CSGALNACT1: variants seen among roughly 807,000 people sequenced by gnomAD.
The protein encoded by CSGALNACT1 is beta4GalNAcT-1.
In CSGALNACT1, 52 loss-of-function variants were observed where a neutral mutation model predicts 51.0. That is an observed-to-expected ratio of 1.02 (90% CI 0.82 to 1.29). The LOEUF (loss-of-function observed/expected upper bound fraction) is 1.29, where lower values mean the gene tolerates loss of function less well. Among genes scored for constraint, CSGALNACT1 ranks in the 50% most tolerant of loss-of-function variants. The pLI is 0.00. For missense variants in CSGALNACT1, 935 were observed against 679.2 expected (o/e 1.38, Z -4.19); for synonymous variants, 341 against 254.4 (o/e 1.34, Z -3.24).
At chr8:19,670,018 T>G (rs1352291623) in intron 1 of CSGALNACT1, among the ~76,000 whole-genome samples, 3 of 152,166 alleles carry the variant, frequency 2.0e-5, no homozygotes, top group Non-Finnish European at 2.9e-5. Flanking sequence ...ATTCTTCAAT[T>G]ATCCCAGGTC....
intron 3 of CSGALNACT1, among the ~76,000 whole-genome samples, chr8:19,590,320 G>A (rs1039152624): frequency 7.9e-5 from 12 of 152,206 alleles, no homozygotes; most frequent in African/African-American, 1.9e-4. Context: ...GTGGCAGAAC[G>A]TAGTAATAGT....
chr8:19,469,834 G>A (rs926331715), intron 4 of CSGALNACT1, among the ~76,000 whole-genome samples: 6 of 152,182 alleles, frequency 3.9e-5, no homozygotes, highest in East Asian at 3.9e-4. Flanking sequence ...TTATCTATGC[G>A]TTACTCTTCC....
intron 1 of CSGALNACT1, among the ~76,000 whole-genome samples, chr8:19,726,472 G>T (rs1352238881): frequency 6.6e-6 from 1 of 152,010 alleles, no homozygotes; most frequent in South Asian, 2.1e-4. Flanking sequence ...GACAAAAATT[G>T]TACACATTTA....
At chr8:19,686,928 G>A (rs537740402), upstream of CSGALNACT1, among the ~76,000 whole-genome samples, 3 of 152,286 alleles carry the variant, frequency 2.0e-5, no homozygotes, top group Non-Finnish European at 2.9e-5. Context: ...ACAGTTTAAC[G>A]TAATGGTTCC....
intron 1 of CSGALNACT1, among the ~76,000 whole-genome samples, chr8:19,746,382 T>A (rs2064664916): frequency 6.6e-6 from 1 of 152,160 alleles, no homozygotes; most frequent in Non-Finnish European, 1.5e-5. Context: ...CCTAAAACTA[T>A]CTGCCTATTG....
Position 19,512,482 on chromosome 8 carries a change from G to C in CSGALNACT1, c.-296-6352C>G, listed in dbSNP as rs111837740. 7.1e-4 allele frequency among the ~76,000 whole-genome samples: 108 copies of C among 152,276 alleles called. No individual in the cohort carries two copies. The Middle Eastern group carries it at 0.017, about 24-fold the overall frequency. On this transcript the variant is annotated intron_variant, in intron 3 of 9. Transcript: ENST00000454498. Reference sequence around the variant, plus strand: ...ATAATTTATTACATTCCAACAGATAGATAACTAATTCACAGGGTCACAGAC... The same window carrying C: ...ATAATTTATTACATTCCAACAGATACATAACTAATTCACAGGGTCACAGAC...
intron 4 of CSGALNACT1, among the ~76,000 whole-genome samples, chr8:19,494,117 T>C (rs1399420130): frequency 6.6e-6 from 1 of 152,232 alleles, no homozygotes; most frequent in Non-Finnish European, 1.5e-5. Flanking sequence ...CATAGTAATC[T>C]TGGCCCTGCT....
At chr8:19,581,561 C>A (rs1157244718) in intron 3 of CSGALNACT1, among the ~76,000 whole-genome samples, 1 of 152,080 alleles carries the variant, frequency 6.6e-6, no homozygotes, top group Non-Finnish European at 1.5e-5. Context: ...GAGCCGAGAT[C>A]GTGCCACTGC....
chr8:19,736,573 A>G (rs1454018331), intron 1 of CSGALNACT1, among the ~76,000 whole-genome samples: 1 of 152,154 alleles, frequency 6.6e-6, no homozygotes, highest in Non-Finnish European at 1.5e-5. Context: ...CTTTTCAAAA[A>G]GCCATTAACT....
chr8:19,607,140 G>A (rs955078903), upstream of CSGALNACT1, among the ~76,000 whole-genome samples: 2 of 150,048 alleles, frequency 1.3e-5, no homozygotes, highest in African/African-American at 4.9e-5. Context: ...GGGCGACAGA[G>A]CAAGACTCCG....
At chr8:19,475,935 T>C (rs1004454390) in intron 4 of CSGALNACT1, among the ~76,000 whole-genome samples, 3 of 152,146 alleles carry the variant, frequency 2.0e-5, no homozygotes, top group African/African-American at 4.8e-5. Flanking sequence ...AAAGCCTCCA[T>C]TTCCACAACA....
intron 4 of CSGALNACT1, 120 bp downstream of exon 3, chr8:19,505,081 A>T (rs73585570): frequency 1.8e-6 from 2 of 1,100,650 alleles, no homozygotes; most frequent in Non-Finnish European, 1.4e-6. Flanking sequence ...CACACACATA[A>T]AACTTTCCGC....
Position 19,583,651 on chromosome 8 carries a change from A to G in CSGALNACT1, c.-297+7509T>C, listed in dbSNP as rs1396520622. Among the ~76,000 whole-genome samples the G allele has an allele frequency of 2.0e-5, 3 of 152,172 alleles. No individual in the cohort carries two copies. The East Asian group carries it at 5.8e-4, about 29-fold the overall frequency. ...AGAAGTACATTCAATTTTCATTAACATCATCAACCATTACTCTGATGACAA... is the reference window on the plus strand; with the variant it reads ...AGAAGTACATTCAATTTTCATTAACGTCATCAACCATTACTCTGATGACAA... On this transcript the variant is annotated intron_variant, in intron 3 of 9. Transcript: ENST00000454498.
At chr8:19,561,226 TTC>T (rs2040638150) in intron 3 of CSGALNACT1, among the ~76,000 whole-genome samples, 1 of 152,210 alleles carries the variant, frequency 6.6e-6, no homozygotes, top group African/African-American at 2.4e-5. Context: ...TCTGTCAATC[TTC>T]TGTGTTATAT....
intron 1 of CSGALNACT1, among the ~76,000 whole-genome samples, chr8:19,640,928 G>A (rs1380368056): frequency 6.6e-6 from 1 of 151,486 alleles, no homozygotes; most frequent in Non-Finnish European, 1.5e-5. Context: ...TTCAGTGCCT[G>A]AACAATCATT....
chr8:19,609,456 G>T (rs1470375320), intron 1 of CSGALNACT1, among the ~76,000 whole-genome samples: 2 of 151,136 alleles, frequency 1.3e-5, no homozygotes, highest in African/African-American at 4.9e-5. Flanking sequence ...CCATAGCCAG[G>T]TAAGCAAGAC....
chr8:19,670,603 A>G (rs2059713641), intron 1 of CSGALNACT1, among the ~76,000 whole-genome samples: 2 of 135,094 alleles, frequency 1.5e-5, no homozygotes, highest in Non-Finnish European at 1.5e-5. Context: ...ACTAATAAGT[A>G]GGTGATATCA....
intron 3 of CSGALNACT1, among the ~76,000 whole-genome samples, chr8:19,520,451 G>A (rs1213931844): frequency 6.6e-6 from 1 of 152,198 alleles, no homozygotes; most frequent in Admixed American, 6.5e-5. Context: ...CCCTCTCCTG[G>A]AGTCCCTCAC....
At chr8:19,603,390 G>A (rs1675492938), upstream of CSGALNACT1, among the ~76,000 whole-genome samples, 1 of 152,200 alleles carries the variant, frequency 6.6e-6, no homozygotes, top group African/African-American at 2.4e-5. Context: ...GGAGAGGGTT[G>A]CCGACTGCCT....
Sources: allele counts gnomAD v4.1 joint callset (sites outside exome capture counted in the v4.1 genomes callset), GRCh38; gene constraint gnomAD v4.1.1; transcripts MANE v1.5; gene names NCBI Gene and HGNC (gene_info 2026-07-23, HGNC 2026-07-21).